PARP16: variants seen among roughly 807,000 people sequenced by gnomAD.
PARP16 encodes protein mono-ADP-ribosyltransferase PARP16.
Under a neutral mutation model 35.0 loss-of-function variants are expected in PARP16, and 31 were observed. The ratio of observed to expected loss-of-function variants is 0.88; its 90% CI spans 0.66 to 1.19. The LOEUF is 1.19. PARP16 is among the 50% of genes most tolerant of loss of function. The pLI is 0.00. For synonymous variants in PARP16, 162 were observed against 169.5 expected (o/e 0.96, Z 0.34); for missense variants, 424 against 411.2 (o/e 1.03, Z -0.27).
At chr15:65,245,593 C>A (rs1487964488) in intron 3 of PARP16, among the ~76,000 whole-genome samples, 1 of 152,100 alleles carries the variant, frequency 6.6e-6, no homozygotes, top group South Asian at 2.1e-4. Context: ...ATGGAAGCAG[C>A]TGTTTGCAAT....
chr15:65,260,765 T>C (rs1421878075), intron 5 of PARP16, 120 bp downstream of exon 5: 5 of 842,094 alleles, frequency 5.9e-6, no homozygotes, highest in Non-Finnish European at 9.8e-6. Context: ...TCCAGCATGG[T>C]GCTTTACATA....
chr15:65,236,034 T>G (rs2088871383), intron 3 of PARP16, among the ~76,000 whole-genome samples: 1 of 151,926 alleles, frequency 6.6e-6, no homozygotes, highest in African/African-American at 2.4e-5. Context: ...TTTTTTTGTA[T>G]TTTTAGTAGA....
intron 3 of PARP16, among the ~76,000 whole-genome samples, chr15:65,240,310 G>GT (rs61177378): frequency 0.56 from 66,134 of 118,222 alleles, 17,487 homozygotes; most frequent in East Asian, 0.86. Flanking sequence ...GTGTGTGTGT[G>GT]GTGGGGGGGG....
intron 1 of PARP16, among the ~76,000 whole-genome samples, chr15:65,278,759 C>G (rs141426768): frequency 1.3e-5 from 2 of 152,240 alleles, no homozygotes; most frequent in East Asian, 3.9e-4. Flanking sequence ...GGTGCGGCAG[C>G]AGGAAAGAAC....
rs143761609 is a variant in PARP16, at chr15:65,244,137, T to C, written c.*97+3980A>G. 3.0e-3 allele frequency among the ~76,000 whole-genome samples: 452 copies of C among 152,276 alleles called. 2 individuals are homozygous for C. The highest frequency in any genetic ancestry group is 1.0e-2 in the African/African-American group (414 of 41,560). ...GCATGGTCGTTTCTCATTCTCAATC[T>C]CCAGGTCTCAGATAATGTGTCAGGA... On this transcript the variant is annotated intron_variant and NMD_transcript_variant, in intron 3 of 3. Transcript: ENST00000559805.
At chr15:65,254,692 C>A (rs1191778886), downstream of PARP16, among the ~76,000 whole-genome samples, 1 of 152,146 alleles carries the variant, frequency 6.6e-6, no homozygotes, top group East Asian at 1.9e-4. Context: ...TGACTCCATG[C>A]CAACACAAGC....
At position 65,259,531 on chromosome 15, in the gene PARP16, T is replaced by C. The variant is rs2089630570; in HGVS notation, c.845A>G (p.Gln282Arg). The C allele has an allele frequency of 6.2e-7, 1 of 1,614,020 alleles. No homozygotes were observed. Among genetic ancestry groups the C allele is most frequent in the East Asian group, 2.2e-5 (1 of 44,896 alleles). Residue 282 changes from glutamine (Q) to arginine (R), a missense_variant, in exon 6 of 6, where the codon CAG (glutamine) becomes CGG (arginine). Gln to Arg is a conservative substitution (Grantham distance 43, BLOSUM62 1). Coordinates refer to ENST00000649807, the MANE Select transcript of PARP16 (RefSeq NM_001316943.2). ...CCAATGGCTGGAAAACCAGGAGAGCTGGCTCGAAGCCCTGCTTAAGAGGGA... is the reference window on the plus strand; with the variant it reads ...CCAATGGCTGGAAAACCAGGAGAGCCGGCTCGAAGCCCTGCTTAAGAGGGA... ...SQKPPKRASS[Q>R]LSWFSSHWFT...
chr15:65,283,781 C>T (rs1362393229), intron 1 of PARP16, among the ~76,000 whole-genome samples: 1 of 152,150 alleles, frequency 6.6e-6, no homozygotes, highest in Non-Finnish European at 1.5e-5. Context: ...TCCTTAGCAC[C>T]TGTCCCATAG....
intron 2 of PARP16, among the ~76,000 whole-genome samples, chr15:65,268,944 G>A (rs865993636): frequency 6.6e-5 from 10 of 151,896 alleles, no homozygotes; most frequent in Middle Eastern, 6.8e-3. Flanking sequence ...TATTAGAGAC[G>A]AAGCTTCATC....
At chr15:65,274,070 A>G (rs2090175405) in intron 1 of PARP16, among the ~76,000 whole-genome samples, 1 of 146,304 alleles carries the variant, frequency 6.8e-6, no homozygotes. Context: ...ATTCTCCTGC[A>G]TAGCTGGGAC....
chr15:65,253,221 C>T (rs1273197475), downstream of PARP16, among the ~76,000 whole-genome samples: 1 of 152,056 alleles, frequency 6.6e-6, no homozygotes, highest in Non-Finnish European at 1.5e-5. Flanking sequence ...TTTCTGGTGA[C>T]ATCGCAAATG....
At chr15:65,232,011 A>G (rs989042576), downstream of PARP16, among the ~76,000 whole-genome samples, 6 of 151,728 alleles carry the variant, frequency 4.0e-5, no homozygotes, top group Non-Finnish European at 8.8e-5. Flanking sequence ...ATTCTTGCTT[A>G]TTGTTTGTAC....
At chr15:65,272,837 T>C (rs148008885) in intron 1 of PARP16, among the ~76,000 whole-genome samples, 69 of 152,336 alleles carry the variant, frequency 4.5e-4, no homozygotes, top group African/African-American at 1.6e-3. Context: ...GTCAGGAAGT[T>C]TGAAGAAGGT....
At chr15:65,263,603 A>G (rs2089806435) in intron 3 of PARP16, among the ~76,000 whole-genome samples, 1 of 152,220 alleles carries the variant, frequency 6.6e-6, no homozygotes, top group African/African-American at 2.4e-5. Context: ...AAACATAGGT[A>G]TAAGCATCCA....
At chr15:65,279,046 T>A (rs192268471) in intron 1 of PARP16, among the ~76,000 whole-genome samples, 1 of 152,262 alleles carries the variant, frequency 6.6e-6, no homozygotes, top group Admixed American at 6.5e-5. Flanking sequence ...GATCAGAGTC[T>A]ACAAAAGAAC....
At chr15:65,253,500 T>C (rs1185235367), downstream of PARP16, among the ~76,000 whole-genome samples, 2 of 151,278 alleles carry the variant, frequency 1.3e-5, no homozygotes, top group South Asian at 2.1e-4. Context: ...CCGGCTAATT[T>C]TTTGTATTTT....
intron 1 of PARP16, among the ~76,000 whole-genome samples, chr15:65,279,965 C>G (rs1330717451): frequency 1.3e-5 from 2 of 151,668 alleles, no homozygotes; most frequent in Non-Finnish European, 2.9e-5. Flanking sequence ...CTTTCCAAAC[C>G]GGGCTCAATG....
chr15:65,250,127 T>C (rs2089319625), intron 2 of PARP16, among the ~76,000 whole-genome samples: 1 of 92,610 alleles, frequency 1.1e-5, no homozygotes, highest in Admixed American at 1.2e-4. Flanking sequence ...TTTTTTTTTT[T>C]TTTTTTTTGA....
At chr15:65,280,583 T>G (rs1327619249) in intron 1 of PARP16, among the ~76,000 whole-genome samples, 2 of 152,038 alleles carry the variant, frequency 1.3e-5, no homozygotes, top group Non-Finnish European at 2.9e-5. Flanking sequence ...TTTAAAATTA[T>G]AAAGAAACCC....
Sources: gnomAD v4.1 joint callset for allele counts (sites outside exome capture counted in the v4.1 genomes callset) on GRCh38, gnomAD v4.1.1 for gene constraint, MANE v1.5 for transcripts, NCBI Gene and HGNC (gene_info 2026-07-23, HGNC 2026-07-21) for gene names.